Variants in CHKA observed in about 807,000 individuals in gnomAD.
CHKA encodes the protein CHETK-alpha.
In CHKA, 34 loss-of-function variants were observed where a neutral mutation model predicts 60.1. The ratio of observed to expected loss-of-function variants is 0.57; its 90% CI spans 0.43 to 0.75. The LOEUF is 0.75. Ranked by LOEUF, CHKA falls within the 30% of genes least tolerant of loss-of-function variation. CHKA has a pLI of 0.00. For synonymous variants in CHKA, 217 were observed against 223.1 expected, an observed-to-expected ratio of 0.97 and a Z score of 0.24; for missense variants, 563 against 561.3, an observed-to-expected ratio of 1.00 and a Z score of -0.03.
chr11:68,110,336 T>C (rs920007219), intron 1 of CHKA, among the ~76,000 whole-genome samples: 9 of 152,180 alleles, frequency 5.9e-5, no homozygotes, highest in Non-Finnish European at 1.0e-4. Context: ...GATGATATGA[T>C]TATCTATGTA....
intron 2 of CHKA, among the ~76,000 whole-genome samples, chr11:68,096,206 A>G (rs1390886077): frequency 6.6e-6 from 1 of 151,568 alleles, no homozygotes; most frequent in Admixed American, 6.6e-5. Flanking sequence ...TCTACTAAAA[A>G]AGTACAAAAT....
chr11:68,084,457 T>C (rs1381783432), intron 2 of CHKA, among the ~76,000 whole-genome samples: 1 of 146,102 alleles, frequency 6.8e-6, no homozygotes, highest in Non-Finnish European at 1.5e-5. Flanking sequence ...TGTGTGTATA[T>C]ATATATAGGA....
chr11:68,111,136 G>A (rs1858118641), intron 1 of CHKA, among the ~76,000 whole-genome samples: 1 of 152,060 alleles, frequency 6.6e-6, no homozygotes, highest in Admixed American at 6.6e-5. Flanking sequence ...ATTAGGCCAG[G>A]CGCGGTGGCT....
In CHKA at chr11:68,121,060, C is replaced by T. The variant is rs1858628162; in HGVS notation, c.118G>A (p.Ala40Thr). ...APGVGQQRDA[A>T]SDLESKQLGG... ...AGCTGCTTGGACTCGAGGTCGCTGG[C>T]GGCGTCGCGCTGCTGCCCCACGCCG... is the stretch of plus-strand genomic sequence containing the variant. Residue 40 changes from alanine (A) to threonine (T), a missense_variant, in exon 1 of 12, where the codon GCC becomes ACC. Transcript: ENST00000265689. 9 of 1,100,966 alleles carry T rather than the reference C, an allele frequency of 8.2e-6. No individual in the cohort carries two copies. The highest frequency in any genetic ancestry group is 9.9e-6 in the Non-Finnish European group (9 of 905,464). The allele number at this position is 1,100,966 out of a possible 1,614,324, so 68.2% of individuals were successfully genotyped here. A position where few individuals can be genotyped will look rare whatever the true frequency, so the allele number is the denominator to read the frequency against.
intron 2 of CHKA, among the ~76,000 whole-genome samples, chr11:68,084,395 C>T (rs1488547706): frequency 5.6e-5 from 6 of 106,292 alleles, no homozygotes; most frequent in Non-Finnish European, 7.5e-5. Flanking sequence ...TATATACACA[C>T]ATATACGTAT....
chr11:68,100,426 C>T (rs1171436180), intron 1 of CHKA, among the ~76,000 whole-genome samples: 1 of 151,874 alleles, frequency 6.6e-6, no homozygotes, highest in Non-Finnish European at 1.5e-5. Context: ...CCTGTCTCTA[C>T]TAAAAATACA....
Position 68,074,815 on chromosome 11 carries a change from C to T in CHKA, c.532G>A (p.Val178Ile), listed in dbSNP as rs1856733647. 6.2e-7 allele frequency: 1 copy of T among 1,614,072 alleles called. No individual in the cohort carries two copies. Residue 178 changes from valine (V) to isoleucine (I), a missense_variant, in exon 4 of 12, where the codon GTT (valine) becomes ATT (isoleucine). Transcript: ENST00000265689. ...ENEFQGAEAM[V>I]LESVMFAILA... ...ATGGCAAACATAACGCTCTCCAGAA[C>T]CATGGCCTCAGCCCCCTAAAACAGA... is the stretch of plus-strand genomic sequence containing the variant.
rs764007285 is a variant in CHKA at position 68,121,002 on chromosome 11, G to A, written c.176C>T (p.Pro59Leu). Residue 59 changes from proline (P) to leucine (L), a missense_variant, in exon 1 of 12, where the codon CCT becomes CTT. By Grantham distance (98) the Pro-to-Leu change is moderately conservative. Transcript: ENST00000265689. ...CAGCGGCAGCGGCAGCGGCGGCGGA[G>A]GGGGCAGCGCGAGCGGCGGCTGTTG... ...GGQQPPLALPPPPPLPLPLPL... is the reference protein window; with the variant it reads ...GGQQPPLALPLPPPLPLPLPL... 20 of 1,116,484 alleles carry A rather than the reference G, an allele frequency of 1.8e-5. No individual in the cohort carries two copies. In the African/African-American group the frequency reaches 2.7e-4, roughly 15 times the overall value. 69.2% of individuals were successfully genotyped at this position (1,116,484 alleles called of 1,614,324 possible).
chr11:68,119,895 T>C (rs1326124867), intron 1 of CHKA, among the ~76,000 whole-genome samples: 2 of 152,180 alleles, frequency 1.3e-5, no homozygotes, highest in African/African-American at 2.4e-5. Context: ...CGCGTACTTC[T>C]GTAATTCAAA....
At chr11:68,107,719 G>A (rs1417302039) in intron 1 of CHKA, among the ~76,000 whole-genome samples, 4 of 151,950 alleles carry the variant, frequency 2.6e-5, no homozygotes, top group East Asian at 1.9e-4. Flanking sequence ...ATTTCAAGCC[G>A]CCACTGTCCT....
In CHKA at chr11:68,081,393, G is replaced by T; in HGVS notation, c.516+11C>A. 1.2e-6 allele frequency: 2 copies of T among 1,610,948 alleles called. No homozygotes were observed. Among genetic ancestry groups the T allele is most frequent in the South Asian group, 2.2e-5 (2 of 90,984 alleles). ...CATCTCACACAGATGCAGAAAGACT[G>T]AATTACTTACTTGAAATTCATTTTC... On this transcript the variant is annotated intron_variant, in intron 3 of 11. Transcript: ENST00000265689.
At chr11:68,097,408 G>A (rs1857551558) in intron 1 of CHKA, among the ~76,000 whole-genome samples, 1 of 152,174 alleles carries the variant, frequency 6.6e-6, no homozygotes, top group Non-Finnish European at 1.5e-5. Context: ...GCCGAGGCGG[G>A]TGGATCACAA....
intron 1 of CHKA, among the ~76,000 whole-genome samples, chr11:68,114,878 G>C (rs964099909): frequency 6.6e-6 from 1 of 152,132 alleles, no homozygotes; most frequent in African/African-American, 2.4e-5. Context: ...GCTGGGCTTA[G>C]GAGGGAAAGA....
chr11:68,062,060 A>G lies in CHKA; in HGVS notation c.1233-26T>C, dbSNP rs768098030. The G allele has an allele frequency of 1.5e-5, 21 of 1,439,884 alleles. No homozygotes were observed. The African/African-American group carries it at 2.1e-4, about 14-fold the overall frequency. 89.2% of individuals were successfully genotyped at this position (1,439,884 alleles called of 1,614,324 possible). On this transcript the variant is annotated intron_variant, in intron 10 of 11. Coordinates refer to ENST00000265689, the MANE Select transcript of CHKA (RefSeq NM_001277.3). ...CTGGAATGATAAAAGCAAGAAACAT[A>G]TAAGAGACATACAGTATCAGTTACA...
At position 68,061,956 on chromosome 11, in the gene CHKA, G is replaced by T; in HGVS notation, c.1311C>A (p.Tyr437Ter). Residue 437 changes from tyrosine (Y) to a stop codon, truncating the protein, a stop_gained, in exon 11 of 12, where the codon TAC (tyrosine) becomes TAA (stop). Coordinates refer to ENST00000265689, the MANE Select transcript of CHKA (RefSeq NM_001277.3). LOFTEE classifies it high-confidence loss of function. ...CAAAAACGCTGCTAAAACATACCAT[G>T]TACCCAAATTCAATAGATGAAATCT... ...QAKISSIEFG[Y>*]MDYAQARFDA... 6.3e-7 allele frequency: 1 copy of T among 1,582,722 alleles called. No homozygotes were observed. Among genetic ancestry groups the T allele is most frequent in the Non-Finnish European group, 8.6e-7 (1 of 1,162,062 alleles).
At position 68,074,722 on chromosome 11, in the gene CHKA, T is replaced by C. The variant is rs1355048975; in HGVS notation, c.625A>G (p.Ile209Val). 1.2e-6 allele frequency: 2 copies of C among 1,614,024 alleles called. No individual in the cohort carries two copies. Among genetic ancestry groups the C allele is most frequent in the East Asian group, 2.2e-5 (1 of 44,894 alleles). ...CGTTTATGAACAAATCTTACCGGGA[T>C]GAACTGCTCCAGTCGGCCTTGGGGA... ...IFPQGRLEQF[I>V]PSRRLDTEEL... Residue 209 changes from isoleucine to valine, a missense_variant, in exon 4 of 12, where the codon ATC (isoleucine) becomes GTC (valine). Ile to Val is a conservative substitution (Grantham distance 29). Coordinates refer to ENST00000265689, the MANE Select transcript of CHKA (RefSeq NM_001277.3).
At chr11:68,104,613 G>C (rs1171460754) in intron 1 of CHKA, among the ~76,000 whole-genome samples, 2 of 151,770 alleles carry the variant, frequency 1.3e-5, no homozygotes, top group African/African-American at 2.4e-5. Flanking sequence ...AGTACAGATA[G>C]GGTTGCACCA....
chr11:68,062,539 A>T (rs1418753242), intron 10 of CHKA, among the ~76,000 whole-genome samples: 9 of 152,220 alleles, frequency 5.9e-5, no homozygotes, highest in Admixed American at 5.9e-4. Context: ...AAAAGAGCAG[A>T]TCAGAGAGCG....
chr11:68,096,976 T>G (rs892900675), intron 2 of CHKA, 43 bp downstream of exon 2: 10 of 1,374,476 alleles, frequency 7.3e-6, no homozygotes, highest in Non-Finnish European at 9.3e-6. Context: ...GGATTTAAAA[T>G]GTTAACAGGA....
Sources: allele counts gnomAD v4.1 joint callset (sites outside exome capture counted in the v4.1 genomes callset), GRCh38; gene constraint gnomAD v4.1.1; transcripts MANE v1.5; gene names NCBI Gene and HGNC (gene_info 2026-07-23, HGNC 2026-07-21).